NUP210L: variants seen among roughly 807,000 people sequenced by gnomAD.
The protein encoded by NUP210L is nucleoporin 210 like.
NUP210L carries 74 observed loss-of-function variants against 208.5 expected under a neutral mutation model. The observed-to-expected ratio is 0.35, with a 90% CI of 0.29 to 0.43. NUP210L has a LOEUF of 0.43. Ranked by LOEUF, NUP210L falls within the 20% of genes least tolerant of loss-of-function variation. The probability of loss-of-function intolerance (pLI) is 1.00; values close to 1 mark genes in which losing one functional copy is unlikely to be tolerated. For missense variants in NUP210L, 1,843 were observed against 2,289.4 expected, an observed-to-expected ratio of 0.81 and a Z score of 3.98; for synonymous variants, 780 against 816.9, an observed-to-expected ratio of 0.95 and a Z score of 0.77.
chr1:154,090,080 A>G (rs1655825049), intron 15 of NUP210L, among the ~76,000 whole-genome samples: 1 of 152,072 alleles, frequency 6.6e-6, no homozygotes, highest in Non-Finnish European at 1.5e-5. Flanking sequence ...CTGTCTAAAA[A>G]AAAAAAATCT....
chr1:154,028,586 CAAAAT>C (rs1652034607), intron 28 of NUP210L, among the ~76,000 whole-genome samples: 2 of 152,140 alleles, frequency 1.3e-5, no homozygotes, highest in South Asian at 2.1e-4. Context: ...AACTCTGTCT[CAAAAT>C]AAATAAATAA....
intron 2 of NUP210L, among the ~76,000 whole-genome samples, chr1:154,143,936 C>T (rs144929754): frequency 0.015 from 2,232 of 152,218 alleles, 29 homozygotes; most frequent in Non-Finnish European, 0.02. Context: ...AATCCCAGCA[C>T]TTTGGGAGGC....
rs916912651 is a variant in NUP210L, at chr1:154,010,068, T to A, written c.4834A>T (p.Thr1612Ser). 6 of 1,613,734 alleles carry A rather than the reference T, an allele frequency of 3.7e-6. No homozygotes were observed. In the African/African-American group the frequency reaches 8.0e-5, roughly 22 times the overall value. Residue 1612 changes from threonine to serine, a missense_variant, in exon 35 of 40, where the codon ACC (threonine) becomes TCC (serine). Around this residue, in one of 5 missense-constraint regions of NUP210L, gnomAD observed 781 missense variants for 973.8 expected, o/e 0.80. Coordinates refer to ENST00000368559, the Ensembl canonical transcript of NUP210L. ...AACTGTACATGGCACAGCATGAGGG[T>A]CGCTGGAAGAAGTACTTTTGTAATG...
intron 38 of NUP210L, among the ~76,000 whole-genome samples, chr1:153,993,373 TGGC>T (rs1163061787): frequency 1.3e-5 from 2 of 151,564 alleles, no homozygotes; most frequent in Non-Finnish European, 2.9e-5. Flanking sequence ...GAGACCATCC[TGGC>T]TAACACAGTG....
chr1:154,041,584 G>A (rs753556466), intron 27 of NUP210L, among the ~76,000 whole-genome samples: 9 of 151,560 alleles, frequency 5.9e-5, no homozygotes, highest in Non-Finnish European at 8.8e-5. Context: ...ACCTGCCTCG[G>A]CCTCCAGGTG....
intron 15 of NUP210L, among the ~76,000 whole-genome samples, chr1:154,093,343 A>T (rs763688722): frequency 3.3e-5 from 5 of 152,004 alleles, no homozygotes; most frequent in Non-Finnish European, 7.4e-5. Context: ...CAGTAGAATC[A>T]CTTGAACCCA....
intron 16 of NUP210L, among the ~76,000 whole-genome samples, chr1:154,075,526 A>T (rs1314721993): frequency 6.6e-6 from 1 of 152,160 alleles, no homozygotes; most frequent in African/African-American, 2.4e-5. Context: ...CAAAGAGTAC[A>T]GATGTTACAG....
intron 16 of NUP210L, among the ~76,000 whole-genome samples, chr1:154,086,482 C>G (rs1002046046): frequency 2.0e-5 from 3 of 151,996 alleles, no homozygotes; most frequent in Non-Finnish European, 2.9e-5. Context: ...TGGGATTCAT[C>G]AAAGTTAAAA....
chr1:154,116,427 G>GA (rs1329156657), intron 12 of NUP210L, among the ~76,000 whole-genome samples: 392 of 130,498 alleles, frequency 3.0e-3, no homozygotes, highest in Admixed American at 6.0e-3. Flanking sequence ...CCATCTCAGG[G>GA]AAAAAAAAAA....
At chr1:154,114,692 C>A (rs1237220661) in intron 12 of NUP210L, among the ~76,000 whole-genome samples, 1 of 152,010 alleles carries the variant, frequency 6.6e-6, no homozygotes, top group Non-Finnish European at 1.5e-5. Context: ...CAACCTCAAA[C>A]TCCTGGCCTC....
chr1:154,083,694 A>G (rs1309416667), intron 16 of NUP210L, among the ~76,000 whole-genome samples: 1 of 151,838 alleles, frequency 6.6e-6, no homozygotes, highest in Non-Finnish European at 1.5e-5. Flanking sequence ...CCTCTCTCAT[A>G]TTTTTCATGA....
At chr1:154,152,361 A>G (rs1659440167) in intron 2 of NUP210L, among the ~76,000 whole-genome samples, 1 of 151,654 alleles carries the variant, frequency 6.6e-6, no homozygotes, top group Non-Finnish European at 1.5e-5. Context: ...TTTAGTAGAG[A>G]CGAGGTTTTA....
At position 154,138,037 on chromosome 1, in the gene NUP210L, G is replaced by A. The variant is rs1658635815; in HGVS notation, c.850+69C>T. On this transcript the variant is annotated intron_variant, in intron 6 of 39. Coordinates refer to ENST00000368559, the Ensembl canonical transcript of NUP210L. ...AAGTATTTTTCATATGTAATGTGGAGTTGCTGATCTTGTCAGCAGAAAAGA... is the reference window on the plus strand; with the variant it reads ...AAGTATTTTTCATATGTAATGTGGAATTGCTGATCTTGTCAGCAGAAAAGA... 3.6e-6 allele frequency: 4 copies of A among 1,123,624 alleles called. No homozygotes were observed. In the African/African-American group the frequency reaches 4.9e-5, roughly 14 times the overall value. The allele number at this position is 1,123,624 out of a possible 1,614,324, so 69.6% of individuals were successfully genotyped here.
At chr1:154,030,464 AT>A (rs1185510467) in intron 27 of NUP210L, among the ~76,000 whole-genome samples, 2 of 151,794 alleles carry the variant, frequency 1.3e-5, no homozygotes, top group Non-Finnish European at 2.9e-5. Context: ...CACTCAGCTA[AT>A]TTTTGTCTTT....
At chr1:154,010,045 C>T in exon 35 of NUP210L, 1 of 1,613,640 alleles carries the variant, frequency 6.2e-7, no homozygotes, top group Non-Finnish European at 8.5e-7. Flanking sequence ...TATTACTGAA[C>T]TGTACATGGC....
chr1:154,009,865 T>G, intron 35 of NUP210L, 107 bp downstream of exon 35: 1 of 901,414 alleles, frequency 1.1e-6, no homozygotes, highest in South Asian at 2.3e-5. Context: ...ATTCCACAGT[T>G]ATATATCAGA....
chr1:154,113,601 T>A (rs1657157515), intron 12 of NUP210L, among the ~76,000 whole-genome samples: 1 of 152,106 alleles, frequency 6.6e-6, no homozygotes, highest in Non-Finnish European at 1.5e-5. Flanking sequence ...GGCTCACGCC[T>A]GTAATCCCAG....
At chr1:154,112,854 T>C (rs1329376564) in intron 12 of NUP210L, among the ~76,000 whole-genome samples, 1 of 109,164 alleles carries the variant, frequency 9.2e-6, no homozygotes, top group Non-Finnish European at 1.8e-5. Context: ...AGACCCTGTC[T>C]GGGGAAAAAA....
At chr1:154,092,553 T>G (rs1655986284) in intron 15 of NUP210L, among the ~76,000 whole-genome samples, 1 of 149,016 alleles carries the variant, frequency 6.7e-6, no homozygotes, top group Non-Finnish European at 1.5e-5. Context: ...GTTTTTTGTT[T>G]TTTTTTTTTT....
Sources: allele counts gnomAD v4.1 joint callset (sites outside exome capture counted in the v4.1 genomes callset), GRCh38; gene constraint gnomAD v4.1.1; regional missense constraint gnomAD v4.1.1; transcripts MANE v1.5; gene names NCBI Gene and HGNC (gene_info 2026-07-23, HGNC 2026-07-21).